PCNX4: variants seen among roughly 807,000 people sequenced by gnomAD.
The protein encoded by PCNX4 is pecanex-like protein 4.
PCNX4 carries 103 observed loss-of-function variants against 107.2 expected under a neutral mutation model. The observed-to-expected ratio is 0.96, with a 90% CI of 0.82 to 1.13. The LOEUF (loss-of-function observed/expected upper bound fraction) is 1.13. PCNX4 is among the 50% of genes most tolerant of loss of function. The pLI is 0.00. For synonymous variants in PCNX4, 541 were observed against 481.7 expected (o/e 1.12, Z -1.61); for missense variants, 1,528 against 1,379.4 (o/e 1.11, Z -1.71).
intron 6 of PCNX4, among the ~76,000 whole-genome samples, chr14:60,117,947 A>G (rs1272916618): frequency 2.0e-5 from 3 of 151,898 alleles, no homozygotes; most frequent in Non-Finnish European, 4.4e-5. Flanking sequence ...AAATTATTCA[A>G]TCTCTTTACT....
chr14:60,097,613 A>G (rs1895449578), intron 1 of PCNX4, among the ~76,000 whole-genome samples: 2 of 152,174 alleles, frequency 1.3e-5, no homozygotes, highest in Admixed American at 1.3e-4. Flanking sequence ...TTCTATCTCA[A>G]CCAATCAGGC....
Position 60,127,760 on chromosome 14 carries a change from A to G in PCNX4, c.3267+1937A>G, listed in dbSNP as rs1047187399. On this transcript the variant is annotated intron_variant, in intron 10 of 10. Transcript: ENST00000406854. ...AAAGTCTAACCCATATATCGGGGGA[A>G]AAAAGCAGACAACCAGGCTTGCCTG... 2.6e-5 allele frequency among the ~76,000 whole-genome samples: 4 copies of G among 152,224 alleles called. No homozygotes were observed. The East Asian group carries it at 5.8e-4, about 22-fold the overall frequency.
In PCNX4 at chr14:60,137,177, C is replaced by G. The variant is rs1173760795; in HGVS notation, c.*2956C>G. 6.6e-6 allele frequency: 1 copy of G among 152,170 alleles called. No homozygotes were observed. The highest frequency in any genetic ancestry group is 1.5e-5 in the Non-Finnish European group (1 of 68,034). The allele number at this position is 152,170 out of a possible 1,614,324, so 9.4% of individuals were successfully genotyped here. A position where few individuals can be genotyped will look rare whatever the true frequency, so the allele number is the denominator to read the frequency against. Reference sequence around the variant, plus strand: ...AGAATGAAACTTAGAGACCTGAGCTCAGCATTTGGGCTGCTTTTCTTATAG... The same window carrying G: ...AGAATGAAACTTAGAGACCTGAGCTGAGCATTTGGGCTGCTTTTCTTATAG... On this transcript the variant is annotated 3_prime_UTR_variant, in exon 11 of 11. Transcript: ENST00000406854.
Position 60,144,896 on chromosome 14 carries a change from CATA to C in PCNX4, c.*10677_*10679del, listed in dbSNP as rs1481396769. ...AAATTAGTCTTTGATTATTCAGAAG[CATA>C]AGAAGATTGCTGTTTTCATGTTTTC... On this transcript the variant is annotated 3_prime_UTR_variant, in exon 11 of 11. Coordinates refer to ENST00000406854, the MANE Select transcript of PCNX4 (RefSeq NM_001330177.2). 1 of 1,257,436 alleles carries C rather than the reference CATA, an allele frequency of 8.0e-7. No homozygotes were observed. Among genetic ancestry groups the C allele is most frequent in the Admixed American group, 1.7e-5 (1 of 59,188 alleles). The allele number at this position is 1,257,436 out of a possible 1,614,324, so 77.9% of individuals were successfully genotyped here.
chr14:60,093,739 T>C (rs1342422773), intron 1 of PCNX4, among the ~76,000 whole-genome samples: 2 of 152,240 alleles, frequency 1.3e-5, no homozygotes, highest in Non-Finnish European at 2.9e-5. Flanking sequence ...ATGGTAACTC[T>C]ATGTTTAGCC....
chr14:60,132,742 T>G (rs1896178132), intron 10 of PCNX4, among the ~76,000 whole-genome samples: 1 of 151,928 alleles, frequency 6.6e-6, no homozygotes, highest in Admixed American at 6.6e-5. Context: ...AAAAAAAAAC[T>G]TACAACTCTA....
intron 10 of PCNX4, among the ~76,000 whole-genome samples, chr14:60,131,744 G>T (rs796895524): frequency 6.6e-6 from 1 of 152,102 alleles, no homozygotes; most frequent in Non-Finnish European, 1.5e-5. Context: ...TGAATAGCCA[G>T]AACAATCTTG....
chr14:60,107,981 G>C lies in PCNX4; in HGVS notation c.343G>C (p.Glu115Gln). 6.2e-7 allele frequency: 1 copy of C among 1,612,874 alleles called. No individual in the cohort carries two copies. Among genetic ancestry groups the C allele is most frequent in the Non-Finnish European group, 8.5e-7 (1 of 1,179,868 alleles). ...CACGGATATCTTAGCAGAGGAGGAT[G>C]AGCATGAATTTACCAGTTGTACTGG... Reference protein sequence around the residue: ...LTTDILAEEDEHEFTSCTGAE... With the variant: ...LTTDILAEEDQHEFTSCTGAE... Residue 115 changes from glutamate (E) to glutamine (Q), a missense_variant, in exon 2 of 11, where the codon GAG (glutamate) becomes CAG (glutamine). Physicochemically the swap from Glu to Gln is conservative, Grantham distance 29. Transcript: ENST00000406854.
intron 8 of PCNX4, among the ~76,000 whole-genome samples, chr14:60,122,530 A>G (rs945519337): frequency 6.6e-6 from 1 of 151,708 alleles, no homozygotes; most frequent in East Asian, 1.9e-4. Context: ...GAGATTTCCT[A>G]TGGCCATCAT....
At chr14:60,114,467 A>G (rs1005058794) in intron 2 of PCNX4, among the ~76,000 whole-genome samples, 2 of 152,196 alleles carry the variant, frequency 1.3e-5, no homozygotes, top group Non-Finnish European at 1.5e-5. Flanking sequence ...CATATTCTCT[A>G]AATGCTAAGC....
intron 2 of PCNX4, 145 bp from the exon 3 acceptor site, chr14:60,114,555 G>A (rs766769344): frequency 1.2e-4 from 72 of 609,886 alleles, no homozygotes; most frequent in Non-Finnish European, 1.3e-4. Context: ...TCATTTGTAA[G>A]TTGGGACTAA....
In PCNX4 at chr14:60,115,821, T is replaced by C. The variant is rs755928710; in HGVS notation, c.1458+2T>C. 6.8e-6 allele frequency: 11 copies of C among 1,606,720 alleles called. No individual in the cohort carries two copies. In the East Asian group the frequency reaches 1.6e-4, roughly 23 times the overall value. ...GGATTCACAAGAGCCTTTAGAATGG[T>C]AATCCTAATATGTGTTTAATAGTAT... On this transcript the variant is annotated splice_donor_variant, in intron 5 of 10. Coordinates refer to ENST00000406854, the MANE Select transcript of PCNX4 (RefSeq NM_001330177.2). LOFTEE classifies it high-confidence loss of function.
chr14:60,111,171 A>G (rs1895733201), intron 2 of PCNX4: 1 of 153,022 alleles, frequency 6.5e-6, no homozygotes, highest in African/African-American at 2.4e-5. Context: ...AGTCTATGAT[A>G]TTTTGTTATG....
At chr14:60,097,961 A>G (rs1398743293) in intron 1 of PCNX4, among the ~76,000 whole-genome samples, 1 of 152,112 alleles carries the variant, frequency 6.6e-6, no homozygotes, top group Non-Finnish European at 1.5e-5. Context: ...TTTTATAACT[A>G]CAGGGTCTGG....
chr14:60,140,266 C>CT lies in PCNX4; in HGVS notation c.*6048dup, dbSNP rs1219268864. 6.6e-6 allele frequency: 1 copy of CT among 151,894 alleles called. No individual in the cohort carries two copies. The highest frequency in any genetic ancestry group is 1.5e-5 in the Non-Finnish European group (1 of 67,838). 9.4% of individuals were successfully genotyped at this position (151,894 alleles called of 1,614,324 possible). A position where few individuals can be genotyped will look rare whatever the true frequency, so the allele number is the denominator to read the frequency against. On this transcript the variant is annotated 3_prime_UTR_variant, in exon 11 of 11. Transcript: ENST00000406854. This position sits in a 1 kb window ranked among gnomAD's most constrained non-coding sequence, Gnocchi z 4.2. ...AAATTTTAGATGAAGTGAATAAATT[C>CT]TTTAAACTATGGAAGAGCCAAAATT...
intron 1 of PCNX4, among the ~76,000 whole-genome samples, chr14:60,096,264 T>C (rs887531970): frequency 6.6e-6 from 1 of 152,234 alleles, no homozygotes; most frequent in South Asian, 2.1e-4. Flanking sequence ...CGTGAGTCTA[T>C]GTAAAGCCAT....
In PCNX4 at chr14:60,134,716, A is replaced by G. The variant is rs1460207553; in HGVS notation, c.*495A>G. On this transcript the variant is annotated 3_prime_UTR_variant, in exon 11 of 11. Coordinates refer to ENST00000406854, the MANE Select transcript of PCNX4 (RefSeq NM_001330177.2). ...ATGTGCTGATTTATTTTGACATCTA[A>G]TATCTGAATGTTTTTGTATCAAGTA... The G allele has an allele frequency of 1.3e-5, 2 of 152,366 alleles. No individual in the cohort carries two copies. The highest frequency in any genetic ancestry group is 2.1e-4 in the South Asian group (1 of 4,840). 9.4% of individuals were successfully genotyped at this position (152,366 alleles called of 1,614,324 possible). A position where few individuals can be genotyped will look rare whatever the true frequency, so the allele number is the denominator to read the frequency against.
intron 1 of PCNX4, among the ~76,000 whole-genome samples, chr14:60,098,451 C>G (rs146860443): frequency 2.0e-5 from 3 of 152,188 alleles, no homozygotes; most frequent in African/African-American, 7.2e-5. Flanking sequence ...ACAAAACACT[C>G]TTATTCAAAA....
chr14:60,094,428 C>A (rs189656761), intron 1 of PCNX4, among the ~76,000 whole-genome samples: 94 of 152,294 alleles, frequency 6.2e-4, no homozygotes, highest in African/African-American at 2.2e-3. Context: ...TTTTGCAGAC[C>A]TTGGTCAAAG....
Sources: gnomAD v4.1 joint callset for allele counts (sites outside exome capture counted in the v4.1 genomes callset) on GRCh38, gnomAD v4.1.1 for gene constraint, Gnocchi (gnomAD v3.1) non-coding constraint, MANE v1.5 for transcripts, NCBI Gene and HGNC (gene_info 2026-07-23, HGNC 2026-07-21) for gene names.